Variants in KIF13A observed in about 807,000 individuals in gnomAD.
The protein encoded by KIF13A is kinesin family member 13A, also known as kinesin-like protein KIF13A.
In KIF13A, 79 loss-of-function variants were observed where a neutral mutation model predicts 212.2. That is an observed-to-expected ratio of 0.37 (90% CI 0.31 to 0.45). The LOEUF is 0.45. Ranked by LOEUF, KIF13A falls within the 20% of genes least tolerant of loss-of-function variation. KIF13A has a pLI of 1.00. For synonymous variants in KIF13A, 789 were observed against 808.6 expected (o/e 0.98, Z 0.41); for missense variants, 1,901 against 2,209.0 (o/e 0.86, Z 2.79).
intron 4 of KIF13A, among the ~76,000 whole-genome samples, chr6:17,862,019 T>C (rs866194253): frequency 6.6e-6 from 1 of 152,222 alleles, no homozygotes; most frequent in Non-Finnish European, 1.5e-5. Context: ...TGTTATTATT[T>C]ATTTTAGTTA....
chr6:17,987,484 C>T lies in KIF13A; in HGVS notation c.-21G>A, dbSNP rs779214067. 5 of 1,261,310 alleles carry T rather than the reference C, an allele frequency of 4.0e-6. No homozygotes were observed. The South Asian group carries it at 7.2e-5, about 18-fold the overall frequency. 78.1% of individuals were successfully genotyped at this position (1,261,310 alleles called of 1,614,324 possible). ...GACATGTTGGCTGCGCTCGCCCGGC[C>T]GCTCGCCGCGCCCGCTCGGCCTTAG... On this transcript the variant is annotated 5_prime_UTR_variant, in exon 1 of 39. Coordinates refer to ENST00000259711, the MANE Select transcript of KIF13A (RefSeq NM_022113.6). This position sits in a 1 kb window ranked among gnomAD's most constrained non-coding sequence, Gnocchi z 7.7.
chr6:17,770,741 C>G (rs1404415873), intron 38 of KIF13A: 5 of 944,058 alleles, frequency 5.3e-6, no homozygotes, highest in Non-Finnish European at 6.4e-6. Context: ...TGCATGATTA[C>G]TTACTCCAAG....
At chr6:17,800,821 G>A (rs1380641057) in intron 20 of KIF13A, among the ~76,000 whole-genome samples, 3 of 151,704 alleles carry the variant, frequency 2.0e-5, no homozygotes, top group Admixed American at 1.3e-4. Flanking sequence ...GGCTGGTCTC[G>A]GACTCCTGAC....
At position 17,825,701 on chromosome 6, in the gene KIF13A, A is replaced by C; in HGVS notation, c.1786+67T>G. 2 of 1,392,494 alleles carry C rather than the reference A, an allele frequency of 1.4e-6. No individual in the cohort carries two copies. Among genetic ancestry groups the C allele is most frequent in the Non-Finnish European group, 2.0e-6 (2 of 1,006,816 alleles). The allele number at this position is 1,392,494 out of a possible 1,614,324, so 86.3% of individuals were successfully genotyped here. A position where few individuals can be genotyped will look rare whatever the true frequency, so the allele number is the denominator to read the frequency against. On this transcript the variant is annotated intron_variant, in intron 16 of 38. Coordinates refer to ENST00000259711, the MANE Select transcript of KIF13A (RefSeq NM_022113.6). The surrounding 1 kb of genome is among the most constrained non-coding windows in gnomAD (Gnocchi z 4.5). ...GCGGAATGACACCTGATGCATGCTT[A>C]TCCCTCACTGAATGGTGTGAGGTGA...
rs952685154 is a variant in KIF13A at position 17,828,546 on chromosome 6, A to C, written c.1402-176T>G. 6.6e-6 allele frequency among the ~76,000 whole-genome samples: 1 copy of C among 151,206 alleles called. No homozygotes were observed. The highest frequency in any genetic ancestry group is 1.5e-5 in the Non-Finnish European group (1 of 68,028). ...TAAAACGCTTACCCTTAATACACCA[A>C]ATTAAAAAAAAATGTTTAAACACTA... On this transcript the variant is annotated intron_variant, in intron 13 of 38. Transcript: ENST00000259711. This position sits in a 1 kb window ranked among gnomAD's most constrained non-coding sequence, Gnocchi z 4.3.
At chr6:17,853,778 T>C (rs991524209) in intron 6 of KIF13A, among the ~76,000 whole-genome samples, 2 of 152,166 alleles carry the variant, frequency 1.3e-5, no homozygotes, top group Non-Finnish European at 2.9e-5. Context: ...TTGTAAATGC[T>C]AAAGAAGAGG....
intron 2 of KIF13A, among the ~76,000 whole-genome samples, chr6:17,939,700 C>A (rs556864844): frequency 6.6e-6 from 1 of 152,164 alleles, no homozygotes; most frequent in Non-Finnish European, 1.5e-5. Flanking sequence ...AGGAAAGTGA[C>A]CCCTGGTCAT....
At position 17,764,211 on chromosome 6, in the gene KIF13A, C is replaced by G. The variant is rs1193004215; in HGVS notation, c.5317G>C (p.Val1773Leu). The stretch of plus-strand genomic sequence containing the variant: ...CTGGGGTGGTGGAGCCCATCGGAGA[C>G]AGTCTTGCCGCCTGTTTTATTTGGT... Reference protein sequence around the residue: ...SLPNKTGGKTVSDGLHHPSQL... With the variant: ...SLPNKTGGKTLSDGLHHPSQL... The change falls in exon 39 of 39, where the codon GTC becomes CTC. Residue 1773 changes from valine (V) to leucine (L), a missense_variant. Physicochemically the swap from Val to Leu is conservative, Grantham distance 32. Around this residue, in one of 5 missense-constraint regions of KIF13A, gnomAD observed 687 missense variants for 759.1 expected, o/e 0.90. Coordinates refer to ENST00000259711, the MANE Select transcript of KIF13A (RefSeq NM_022113.6). The surrounding 1 kb of genome is among the most constrained non-coding windows in gnomAD (Gnocchi z 5.1). The G allele has an allele frequency of 6.2e-7, 1 of 1,613,928 alleles. No individual in the cohort carries two copies. Among genetic ancestry groups the G allele is most frequent in the Non-Finnish European group, 8.5e-7 (1 of 1,179,914 alleles).
Position 17,763,945 on chromosome 6 carries a change from G to T in KIF13A, c.*165C>A, listed in dbSNP as rs183885434. The stretch of plus-strand genomic sequence containing the variant: ...ACTGGTCTTATAATTTCACAATTGC[G>T]TTCTAGTTCCCAAAACAGACTTGCT... On this transcript the variant is annotated 3_prime_UTR_variant, in exon 39 of 39. Coordinates refer to ENST00000259711, the MANE Select transcript of KIF13A (RefSeq NM_022113.6). 9.7e-6 allele frequency: 14 copies of T among 1,438,282 alleles called. No individual in the cohort carries two copies. The Admixed American group carries it at 3.7e-4, about 38-fold the overall frequency. 89.1% of individuals were successfully genotyped at this position (1,438,282 alleles called of 1,614,324 possible). A position where few individuals can be genotyped will look rare whatever the true frequency, so the allele number is the denominator to read the frequency against.
intron 2 of KIF13A, among the ~76,000 whole-genome samples, chr6:17,948,557 C>CTTTTTTTTTT (rs71002289): frequency 9.5e-5 from 8 of 84,148 alleles, no homozygotes; most frequent in South Asian, 4.9e-4. Flanking sequence ...CATCCATTTA[C>CTTTTTTTTTT]TTTTTTTTTT....
chr6:17,940,112 C>T (rs922679748), intron 2 of KIF13A, among the ~76,000 whole-genome samples: 2 of 150,596 alleles, frequency 1.3e-5, no homozygotes, highest in African/African-American at 2.4e-5. Flanking sequence ...ATGGCAACAT[C>T]GGGAATTTAC....
rs950164163 is a variant in KIF13A, at chr6:17,816,156, C to T, written c.2000+864G>A. On this transcript the variant is annotated intron_variant, in intron 17 of 38. Transcript: ENST00000259711. The surrounding 1 kb of genome is among the most constrained non-coding windows in gnomAD (Gnocchi z 4.3). Reference sequence around the variant, plus strand: ...CTGGTCTGGAACTCCTGACCTCAGGCGATCCGCTGCCTTGGCCTCCCAAAG... The same window carrying T: ...CTGGTCTGGAACTCCTGACCTCAGGTGATCCGCTGCCTTGGCCTCCCAAAG... 2.0e-5 allele frequency among the ~76,000 whole-genome samples: 3 copies of T among 151,644 alleles called. No individual in the cohort carries two copies. Among genetic ancestry groups the T allele is most frequent in the Non-Finnish European group, 2.9e-5 (2 of 67,914 alleles).
At position 17,769,455 on chromosome 6, in the gene KIF13A, C is replaced by A. The variant is rs1302830110; in HGVS notation, c.4581+1659G>T. ...ATTCAGTCACAGAGTCTAACTGCTG[C>A]TTGAGACTTCCTGGGTCAAGAGAAT... On this transcript the variant is annotated intron_variant, in intron 38 of 38. Transcript: ENST00000259711. This position sits in a 1 kb window ranked among gnomAD's most constrained non-coding sequence, Gnocchi z 5.8. Among the ~76,000 whole-genome samples the A allele has an allele frequency of 6.6e-6, 1 of 152,130 alleles. No individual in the cohort carries two copies. The highest frequency in any genetic ancestry group is 1.5e-5 in the Non-Finnish European group (1 of 68,034).
At chr6:17,876,254 C>A (rs892219091) in intron 3 of KIF13A, among the ~76,000 whole-genome samples, 2 of 152,164 alleles carry the variant, frequency 1.3e-5, no homozygotes, top group African/African-American at 4.8e-5. Flanking sequence ...TCCAAGAGAT[C>A]TTAAGCACTG....
chr6:17,841,853 A>G (rs183309416), intron 9 of KIF13A, among the ~76,000 whole-genome samples: 24 of 152,184 alleles, frequency 1.6e-4, no homozygotes, highest in Admixed American at 1.5e-3. Flanking sequence ...AGAAGCAATG[A>G]TGCAGGGGCT....
At chr6:17,765,959 G>A (rs776003264) in intron 38 of KIF13A, among the ~76,000 whole-genome samples, 2 of 152,200 alleles carry the variant, frequency 1.3e-5, no homozygotes, top group Non-Finnish European at 2.9e-5. Context: ...GTGAGCACAA[G>A]AAGGCATGGT....
chr6:17,975,662 C>T (rs1411631391), intron 2 of KIF13A, among the ~76,000 whole-genome samples: 1 of 152,164 alleles, frequency 6.6e-6, no homozygotes, highest in Non-Finnish European at 1.5e-5. Flanking sequence ...TGGTAGAGCC[C>T]AGAGGTCTGT....
intron 2 of KIF13A, among the ~76,000 whole-genome samples, chr6:17,977,133 AAAAG>A (rs1278695863): frequency 2.7e-4 from 40 of 148,870 alleles, no homozygotes; most frequent in East Asian, 9.7e-4. Flanking sequence ...AAAAAAAAAA[AAAAG>A]AAATGCACAT....
At chr6:17,870,072 T>C (rs965746958) in intron 4 of KIF13A, among the ~76,000 whole-genome samples, 1 of 152,242 alleles carries the variant, frequency 6.6e-6, no homozygotes, top group Non-Finnish European at 1.5e-5. Flanking sequence ...ACACGTAACG[T>C]ATTTACTAGG....
Sources: allele counts gnomAD v4.1 joint callset (sites outside exome capture counted in the v4.1 genomes callset), GRCh38; gene constraint gnomAD v4.1.1; regional missense constraint gnomAD v4.1.1; non-coding constraint Gnocchi (gnomAD v3.1); transcripts MANE v1.5; gene names NCBI Gene and HGNC (gene_info 2026-07-23, HGNC 2026-07-21).